Variants in FKBP5 observed in about 807,000 individuals in gnomAD.
The protein encoded by FKBP5 is peptidyl-prolyl cis-trans isomerase FKBP5.
A neutral mutation model predicts 50.5 loss-of-function variants in FKBP5; 23 were observed. The ratio of observed to expected loss-of-function variants is 0.46; its 90% confidence interval spans 0.33 to 0.65. The LOEUF (loss-of-function observed/expected upper bound fraction) is 0.65. Ranked by LOEUF, FKBP5 falls within the 30% of genes least tolerant of loss-of-function variation. The pLI is 0.02. For synonymous variants in FKBP5, 176 were observed against 190.6 expected, an observed-to-expected ratio of 0.92 and a Z score of 0.63; for missense variants, 411 against 553.1, an observed-to-expected ratio of 0.74 and a Z score of 2.58.
chr6:35,671,026 A>C (rs766068373), intron 1 of FKBP5, among the ~76,000 whole-genome samples: 1 of 152,050 alleles, frequency 6.6e-6, no homozygotes, highest in African/African-American at 2.4e-5. Flanking sequence ...TCTGAGGCCA[A>C]AGTGAGACGA....
chr6:35,706,189 C>T (rs1766310049), intron 2 of FKBP5, among the ~76,000 whole-genome samples: 1 of 151,950 alleles, frequency 6.6e-6, no homozygotes, highest in Non-Finnish European at 1.5e-5. Flanking sequence ...TTTGGGAGGC[C>T]GAGACGGGCA....
chr6:35,606,651 C>T (rs1216403896), intron 5 of FKBP5, among the ~76,000 whole-genome samples: 1 of 70,118 alleles, frequency 1.4e-5, no homozygotes, highest in Non-Finnish European at 2.4e-5. Flanking sequence ...CAGAATGAGA[C>T]TCCGTCTCAA....
intron 1 of FKBP5, among the ~76,000 whole-genome samples, chr6:35,651,550 C>A (rs185301342): frequency 1.1e-3 from 164 of 152,246 alleles, no homozygotes; most frequent in African/African-American, 3.6e-3. Flanking sequence ...TCAGATTCTA[C>A]ACAATAATTA....
chr6:35,601,517 G>A (rs1015593007), intron 5 of FKBP5, among the ~76,000 whole-genome samples: 32 of 152,228 alleles, frequency 2.1e-4, no homozygotes, highest in African/African-American at 7.2e-4. Context: ...AACAGATGCA[G>A]ATGAGCCTAG....
intron 9 of FKBP5, among the ~76,000 whole-genome samples, chr6:35,579,703 A>G (rs1231279967): frequency 6.6e-6 from 1 of 152,212 alleles, no homozygotes; most frequent in East Asian, 1.9e-4. Context: ...ATCTTCTCTT[A>G]TTAAACTGAA....
intron 1 of FKBP5, chr6:35,664,853 T>C (rs987862623): frequency 1.5e-4 from 23 of 153,796 alleles, no homozygotes; most frequent in African/African-American, 2.4e-5. Flanking sequence ...GACCCTTTTA[T>C]TTCCTTATGT....
chr6:35,635,705 TAAAA>T lies in FKBP5; in HGVS notation c.250+1305_250+1308del, dbSNP rs559541848. Among the ~76,000 whole-genome samples, 6 of 150,186 alleles carry T rather than the reference TAAAA, an allele frequency of 4.0e-5. No individual in the cohort carries two copies. The South Asian group carries it at 1.0e-3, about 26-fold the overall frequency. ...TTTGTATATTTTGTATTTTCCAAAA[TAAAA>T]AAAAAATTAGTGAGACGAGTGTCAT... On this transcript the variant is annotated intron_variant, in intron 3 of 10. Transcript: ENST00000357266.
chr6:35,674,057 C>A (rs549723165), intron 1 of FKBP5, among the ~76,000 whole-genome samples: 1 of 152,142 alleles, frequency 6.6e-6, no homozygotes, highest in Non-Finnish European at 1.5e-5. Flanking sequence ...CTGGTCCTTT[C>A]CACCTTATGG....
At position 35,574,182 on chromosome 6, in the gene FKBP5, C is replaced by T. The variant is rs1390424751; in HGVS notation, c.*1653G>A. ...TTAGTTATCATTAAAGGAAAAAACT[C>T]ACAAATTGATCCCATTTGTTCCATG... On this transcript the variant is annotated 3_prime_UTR_variant, in exon 11 of 11. Transcript: ENST00000357266. 2.0e-5 allele frequency: 3 copies of T among 152,120 alleles called. No individual in the cohort carries two copies. The highest frequency in any genetic ancestry group is 2.0e-4 in the Admixed American group (3 of 15,268). The allele number at this position is 152,120 out of a possible 1,614,324, so 9.4% of individuals were successfully genotyped here.
intron 3 of FKBP5, among the ~76,000 whole-genome samples, chr6:35,623,258 A>G (rs573577826): frequency 1.3e-5 from 2 of 152,358 alleles, no homozygotes; most frequent in East Asian, 1.9e-4. Context: ...AAATAAATAA[A>G]TAAAGAGTTA....
chr6:35,666,665 C>T (rs913282059), intron 1 of FKBP5, among the ~76,000 whole-genome samples: 1 of 151,832 alleles, frequency 6.6e-6, no homozygotes, highest in Admixed American at 6.6e-5. Flanking sequence ...CTGAGGCAGG[C>T]GGATCACGAG....
chr6:35,701,118 T>C (rs1217162824), intron 2 of FKBP5, among the ~76,000 whole-genome samples: 1 of 152,206 alleles, frequency 6.6e-6, no homozygotes, highest in Non-Finnish European at 1.5e-5. Context: ...AGTGTTTATC[T>C]GAAATTCAAA....
At chr6:35,703,448 A>ATTTTTTTT (rs1255715127) in intron 2 of FKBP5, among the ~76,000 whole-genome samples, 1 of 152,108 alleles carries the variant, frequency 6.6e-6, no homozygotes, top group Non-Finnish European at 1.5e-5. Flanking sequence ...AACACATAGA[A>ATTTTTTTT]ATGATACTCA....
intron 5 of FKBP5, among the ~76,000 whole-genome samples, chr6:35,600,266 A>T (rs1561851552): frequency 6.6e-6 from 1 of 152,040 alleles, no homozygotes; most frequent in Non-Finnish European, 1.5e-5. Context: ...ATTTTTACTG[A>T]ATTCGCTGAG....
At chr6:35,630,611 C>A (rs949978759) in intron 3 of FKBP5, among the ~76,000 whole-genome samples, 8 of 152,322 alleles carry the variant, frequency 5.3e-5, no homozygotes, top group Non-Finnish European at 1.2e-4. Flanking sequence ...GGACCTACTT[C>A]ATTTCTGTAC....
At chr6:35,619,919 G>A (rs1431347699) in intron 4 of FKBP5, among the ~76,000 whole-genome samples, 1 of 152,140 alleles carries the variant, frequency 6.6e-6, no homozygotes, top group Non-Finnish European at 1.5e-5. Flanking sequence ...ATTTGGATAT[G>A]ACCTTTTTGT....
chr6:35,628,985 G>A (rs577367104), intron 3 of FKBP5, among the ~76,000 whole-genome samples: 25 of 152,342 alleles, frequency 1.6e-4, no homozygotes, highest in African/African-American at 5.5e-4. Context: ...CCAAAGTGCC[G>A]GGATTACAGG....
At chr6:35,685,746 C>G (rs1415361393) in intron 1 of FKBP5, among the ~76,000 whole-genome samples, 1 of 152,044 alleles carries the variant, frequency 6.6e-6, no homozygotes, top group African/African-American at 2.4e-5. Context: ...CTTTGGGAGG[C>G]TGAGGCGGGT....
At chr6:35,651,912 A>G (rs1285249326) in intron 1 of FKBP5, 1 of 1,140,728 alleles carries the variant, frequency 8.8e-7, no homozygotes, top group Non-Finnish European at 1.1e-6. Context: ...CTCATTGTTC[A>G]GTATGAGTTT....
Sources: gnomAD v4.1 joint callset for allele counts (sites outside exome capture counted in the v4.1 genomes callset) on GRCh38, gnomAD v4.1.1 for gene constraint, MANE v1.5 for transcripts, NCBI Gene and HGNC (gene_info 2026-07-23, HGNC 2026-07-21) for gene names.